ACYP1: variants seen among roughly 807,000 people sequenced by gnomAD.
ACYP1 encodes acylphosphatase-1.
A neutral mutation model predicts 10.4 loss-of-function variants in ACYP1; 8 were observed. The observed-to-expected ratio is 0.77, with a 90% CI of 0.45 to 1.38. ACYP1 has a LOEUF of 1.38. Among genes scored for constraint, ACYP1 ranks in the 40% most tolerant of loss-of-function variants. The pLI is 0.00. For synonymous variants in ACYP1, 38 were observed against 40.8 expected (o/e 0.93, Z 0.26); for missense variants, 93 against 117.3 (o/e 0.79, Z 0.96).
intron 2 of ACYP1, chr14:75,059,864 A>G (rs891229388): frequency 1.2e-5 from 2 of 167,350 alleles, no homozygotes; most frequent in African/African-American, 4.7e-5. Flanking sequence ...CCAGCCACAA[A>G]AGGACAAATA....
At chr14:75,062,659 C>CAAAAAAAAAAA (rs534860020) in intron 2 of ACYP1, among the ~76,000 whole-genome samples, 25 of 103,396 alleles carry the variant, frequency 2.4e-4, no homozygotes, top group African/African-American at 6.6e-4. Context: ...ACTAAAAATA[C>CAAAAAAAAAAA]AAAAAAAAAA....
chr14:75,063,760 C>T (rs1385493238), intron 1 of ACYP1, among the ~76,000 whole-genome samples, 194 bp downstream of exon 1: 1 of 152,098 alleles, frequency 6.6e-6, no homozygotes, highest in Non-Finnish European at 1.5e-5. Flanking sequence ...GGAGAGGGAG[C>T]TTCGGATCGC....
Position 75,053,605 on chromosome 14 carries a change from T to A in ACYP1, c.139A>T (p.Thr47Ser). 1 of 1,614,180 alleles carries A rather than the reference T, an allele frequency of 6.2e-7. No homozygotes were observed. The highest frequency in any genetic ancestry group is 2.2e-5 in the East Asian group (1 of 44,880). ...VGWVQNTDRG[T>S]VQGQLQGPIS... ...GGACCTTGCAATTGTCCTTGCACTG[T>A]GCCCCGGTCAGTGTTCTGGACCCAG... The change falls in exon 3 of 3, where the codon ACA (threonine) becomes TCA (serine). Residue 47 changes from threonine to serine, a missense_variant. By Grantham distance (58) the Thr-to-Ser change is moderately conservative. Transcript: ENST00000238618.
intron 2 of ACYP1, among the ~76,000 whole-genome samples, chr14:75,054,050 G>GA (rs1166653370): frequency 2.6e-5 from 4 of 152,102 alleles, no homozygotes; most frequent in South Asian, 4.1e-4. Context: ...ATGTTAAATG[G>GA]AAAAAACATG....
chr14:75,067,222 C>T (rs71426994), upstream of ACYP1, among the ~76,000 whole-genome samples: 71,940 of 139,534 alleles, frequency 0.52, 17,982 homozygotes, highest in East Asian at 0.85. Flanking sequence ...CACACACACA[C>T]ACACATATAT....
chr14:75,066,171 A>T (rs1230514006), upstream of ACYP1, among the ~76,000 whole-genome samples: 1 of 152,194 alleles, frequency 6.6e-6, no homozygotes, highest in Non-Finnish European at 1.5e-5. Flanking sequence ...GCTGGACCTA[A>T]TCTGGGAGGT....
upstream of ACYP1, among the ~76,000 whole-genome samples, chr14:75,066,864 A>G (rs1182236023): frequency 6.6e-6 from 1 of 152,222 alleles, no homozygotes; most frequent in Admixed American, 6.5e-5. Flanking sequence ...AAAAAAAGGA[A>G]GAAAACTCAA....
chr14:75,061,823 C>T lies in ACYP1; in HGVS notation c.84+1647G>A, dbSNP rs191068226. On this transcript the variant is annotated intron_variant, in intron 2 of 2. Transcript: ENST00000238618. ...AATAATTAGAAAAAGAGGTATTGGC[C>T]GGGCACAGTGGCTCACACCTGTAAT... is the stretch of plus-strand genomic sequence containing the variant. 1.1e-5 allele frequency: 14 copies of T among 1,302,462 alleles called. 1 individual carries two copies. The highest frequency in any genetic ancestry group is 4.1e-5 in the South Asian group (3 of 73,588). The allele number at this position is 1,302,462 out of a possible 1,614,324, so 80.7% of individuals were successfully genotyped here.
rs1207950287 is a variant in ACYP1, at chr14:75,069,195, C to G, written c.82+15G>C. On this transcript the variant is annotated intron_variant, in intron 1 of 2. Transcript: ENST00000555463. ...TTGGCGAGGACAAGCAAGGAGCGCGCGCGTGCAGCCATACCTGGGGCCCGC... is the reference window on the plus strand; with the variant it reads ...TTGGCGAGGACAAGCAAGGAGCGCGGGCGTGCAGCCATACCTGGGGCCCGC... 4.0e-6 allele frequency: 6 copies of G among 1,516,268 alleles called. No homozygotes were observed. The Admixed American group carries it at 8.2e-5, about 21-fold the overall frequency. The allele number at this position is 1,516,268 out of a possible 1,614,324, so 93.9% of individuals were successfully genotyped here. A position where few individuals can be genotyped will look rare whatever the true frequency, so the allele number is the denominator to read the frequency against.
At chr14:75,062,916 C>T (rs175505) in intron 2 of ACYP1, 75,992 of 152,570 alleles carry the variant, frequency 0.5, 19,497 homozygotes, top group Middle Eastern at 0.56. Context: ...GTTCCCATCA[C>T]CTATTCTGGA....
upstream of ACYP1, among the ~76,000 whole-genome samples, chr14:75,068,481 GGAGA>G (rs528752008): frequency 1.5e-3 from 234 of 151,732 alleles, no homozygotes; most frequent in African/African-American, 5.3e-3. Context: ...GGAGAGGGAA[GGAGA>G]GAGAGAGAGG....
upstream of ACYP1, among the ~76,000 whole-genome samples, chr14:75,067,419 A>C (rs184899757): frequency 2.0e-5 from 3 of 152,316 alleles, no homozygotes; most frequent in Admixed American, 1.3e-4. Flanking sequence ...TGAAAAAATG[A>C]AGCTTTTGTC....
At chr14:75,069,369 G>A in exon 1 of ACYP1, 3 of 1,150,254 alleles carry the variant, frequency 2.6e-6, no homozygotes, top group Non-Finnish European at 3.5e-6. Flanking sequence ...AGGTCTGGGA[G>A]CGTCGTTCTC....
At chr14:75,067,574 G>A (rs1271350470), upstream of ACYP1, among the ~76,000 whole-genome samples, 2 of 152,188 alleles carry the variant, frequency 1.3e-5, no homozygotes, top group South Asian at 2.1e-4. Flanking sequence ...TGGAGAAGAG[G>A]AGAAATGAAT....
intron 2 of ACYP1, 32 bp downstream of exon 2, chr14:75,063,438 G>C (rs1893078478): frequency 2.5e-6 from 4 of 1,584,294 alleles, no homozygotes; most frequent in Non-Finnish European, 3.5e-6. Flanking sequence ...CCACAACCTA[G>C]GTTACCACCC....
Position 75,063,937 on chromosome 14 carries a change from G to A in ACYP1, c.-9+17C>T, listed in dbSNP as rs1018687756. ...ATCGACCTGAGAAGCACACCCTGGGGGCCCCTGGCGGCTCACCCTCCTTGT... is the reference window on the plus strand; with the variant it reads ...ATCGACCTGAGAAGCACACCCTGGGAGCCCCTGGCGGCTCACCCTCCTTGT... On this transcript the variant is annotated intron_variant, in intron 1 of 2. Transcript: ENST00000238618. The A allele has an allele frequency of 2.0e-6, 2 of 1,000,680 alleles. No individual in the cohort carries two copies. 62.0% of individuals were successfully genotyped at this position (1,000,680 alleles called of 1,614,324 possible).
intron 2 of ACYP1, among the ~76,000 whole-genome samples, chr14:75,062,536 C>T (rs1893049860): frequency 6.6e-6 from 1 of 151,878 alleles, no homozygotes; most frequent in African/African-American, 2.4e-5. Flanking sequence ...GCAGTCCTGG[C>T]CGGGTGCGGT....
chr14:75,062,754 G>A (rs1275513369), intron 2 of ACYP1, among the ~76,000 whole-genome samples: 1 of 151,708 alleles, frequency 6.6e-6, no homozygotes, highest in African/African-American at 2.4e-5. Flanking sequence ...AATACCTACA[G>A]AAGGCAGAGG....
At chr14:75,063,214 G>A in intron 2 of ACYP1, 1 of 464,366 alleles carries the variant, frequency 2.2e-6, no homozygotes. Flanking sequence ...TATTTCCCTT[G>A]GAAGAGAGAA....
Sources: allele counts gnomAD v4.1 joint callset (sites outside exome capture counted in the v4.1 genomes callset), GRCh38; gene constraint gnomAD v4.1.1; transcripts MANE v1.5; gene names NCBI Gene and HGNC (gene_info 2026-07-23, HGNC 2026-07-21).